LONRF3: variants seen among roughly 807,000 people sequenced by gnomAD.
LONRF3 encodes LON peptidase N-terminal domain and ring finger 3.
LONRF3 carries 19 observed loss-of-function variants against 51.7 expected under a neutral mutation model. The observed-to-expected ratio is 0.37, with a 90% CI of 0.26 to 0.54. The LOEUF (loss-of-function observed/expected upper bound fraction) is 0.54. Among genes scored for constraint, LONRF3 ranks in the 20% least tolerant of loss-of-function variants. LONRF3 has a pLI of 0.86. For missense variants in LONRF3, 521 were observed against 623.9 expected, an observed-to-expected ratio of 0.84 and a Z score of 1.76; for synonymous variants, 265 against 257.8, an observed-to-expected ratio of 1.03 and a Z score of -0.27.
At chrX:118,986,951 A>G in intron 3 of LONRF3, 2 of 1,153,869 alleles carry the variant, frequency 1.7e-6, no homozygotes, top group Non-Finnish European at 2.3e-6. Flanking sequence ...TTTCACCATC[A>G]GTCCCGGGGG....
intron 6 of LONRF3, among the ~76,000 whole-genome samples, chrX:119,008,019 T>G (rs1924849780): frequency 8.9e-6 from 1 of 111,802 alleles, no homozygotes; most frequent in Non-Finnish European, 1.9e-5. Flanking sequence ...ACCTCCTCAG[T>G]CAATGCTTAT....
At chrX:119,014,488 T>C in intron 10 of LONRF3, 132 bp downstream of exon 10, 1 of 630,931 alleles carries the variant, frequency 1.6e-6, no homozygotes, top group Non-Finnish European at 2.4e-6. Flanking sequence ...AATTTGGTGT[T>C]GTTTGGCTGC....
chrX:119,016,481 G>C (rs1173174264), intron 10 of LONRF3, among the ~76,000 whole-genome samples: 1 of 108,188 alleles, frequency 9.2e-6, no homozygotes, highest in African/African-American at 3.4e-5. Flanking sequence ...CGGAGTAGCT[G>C]GGACTACAGA....
chrX:119,003,427 C>A (rs1439464667), intron 5 of LONRF3, among the ~76,000 whole-genome samples: 1 of 112,095 alleles, frequency 8.9e-6, no homozygotes, highest in African/African-American at 3.2e-5. Flanking sequence ...GATCCAATTT[C>A]ATTTCCCCCT....
At chrX:118,995,732 A>G (rs1445053681) in intron 5 of LONRF3, among the ~76,000 whole-genome samples, 4 of 112,175 alleles carry the variant, frequency 3.6e-5, no homozygotes, top group Non-Finnish European at 7.5e-5. Context: ...TTAAACTAGA[A>G]AACCTAGAAG....
In LONRF3 at chrX:118,982,935, G is replaced by A; in HGVS notation, c.1051G>A (p.Ala351Thr). 3.3e-6 allele frequency: 4 copies of A among 1,209,511 alleles called. No homozygotes were observed. The South Asian group carries it at 7.0e-5, about 21-fold the overall frequency. ...DGKNKRARCE[A>T]QRDNLELPHC... is the part of the protein sequence containing the mutation. ...AAAGAACAAGAGAGCAAGATGTGAA[G>A]CCCAAAGAGTGAGTTGAAATGACAT... The change falls in exon 3 of 11, where the codon GCC becomes ACC. Residue 351 changes from alanine (A) to threonine (T), a missense_variant. By Grantham distance (58) the Ala-to-Thr change is moderately conservative (BLOSUM62 0). Coordinates refer to ENST00000371628, the MANE Select transcript of LONRF3 (RefSeq NM_001031855.3).
intron 2 of LONRF3, among the ~76,000 whole-genome samples, 170 bp from the exon 3 acceptor site, chrX:118,982,651 T>C (rs944401512): frequency 1.2e-4 from 14 of 112,224 alleles, no homozygotes; most frequent in African/African-American, 3.6e-4. Flanking sequence ...GTTTCAGTTT[T>C]GTCTTCTTTA....
intron 2 of LONRF3, among the ~76,000 whole-genome samples, chrX:118,981,259 T>C (rs1270961083): frequency 9.1e-6 from 1 of 109,386 alleles, no homozygotes; most frequent in Non-Finnish European, 1.9e-5. Flanking sequence ...CTGAGGCAGG[T>C]GGATAACTTG....
chrX:118,978,090 C>A (rs1311096658), intron 1 of LONRF3, among the ~76,000 whole-genome samples: 1 of 111,423 alleles, frequency 9.0e-6, no homozygotes, highest in Non-Finnish European at 1.9e-5. Context: ...ACCACTGACA[C>A]CACGGGGCCT....
intron 4 of LONRF3, among the ~76,000 whole-genome samples, chrX:118,990,098 T>C (rs760603505): frequency 1.2e-4 from 14 of 112,242 alleles, no homozygotes; most frequent in African/African-American, 3.6e-4. Context: ...GCAGCAGCTG[T>C]GGCTTGCTAT....
chrX:118,978,526 C>A (rs760246255), intron 2 of LONRF3, 63 bp downstream of exon 2: 47 of 746,735 alleles, frequency 6.3e-5, no homozygotes, highest in Non-Finnish European at 7.9e-5. Flanking sequence ...GCAGGAAGGG[C>A]TGCCTCCCTG....
intron 5 of LONRF3, among the ~76,000 whole-genome samples, chrX:119,001,684 T>C (rs1219234306): frequency 1.8e-5 from 2 of 112,525 alleles, no homozygotes; most frequent in Non-Finnish European, 3.7e-5. Context: ...GCAGCATCTG[T>C]GGCCGCATTT....
chrX:118,985,376 C>G (rs750851169), intron 3 of LONRF3, among the ~76,000 whole-genome samples: 416 of 111,570 alleles, frequency 3.7e-3, no homozygotes, highest in Non-Finnish European at 6.8e-3. Flanking sequence ...GAGGAGGGAC[C>G]TCTGAAAGCT....
rs748979369 is a variant in LONRF3, at chrX:118,974,799, G to T, written c.19G>T (p.Glu7Ter). The change falls in exon 1 of 11, where the codon GAA becomes TAA. Residue 7 changes from glutamate to a stop codon, truncating the protein, a stop_gained. Transcript: ENST00000371628. LOFTEE classifies it high-confidence loss of function. MESVRI[E>*]QMLSLPAEVS... ...TCTTCCCATGGAGTCAGTACGGATC[G>T]AACAGATGCTGAGCTTGCCCGCTGA... is the stretch of plus-strand genomic sequence containing the variant. The T allele has an allele frequency of 2.5e-6, 3 of 1,205,942 alleles. No homozygotes were observed. The highest frequency in any genetic ancestry group is 3.4e-6 in the Non-Finnish European group (3 of 893,681).
intron 3 of LONRF3, 24 bp downstream of exon 3, chrX:118,982,967 C>T: frequency 8.3e-7 from 1 of 1,199,562 alleles, no homozygotes; most frequent in Non-Finnish European, 1.1e-6. Flanking sequence ...ACATCAGGTC[C>T]AGCTGCCTAC....
chrX:118,976,112 C>G, intron 1 of LONRF3, among the ~76,000 whole-genome samples: 1 of 112,876 alleles, frequency 8.9e-6, no homozygotes, highest in Non-Finnish European at 1.9e-5. Flanking sequence ...AGGAGATGTC[C>G]GGTCGGCGCC....
chrX:119,012,988 A>C (rs1181689865), intron 8 of LONRF3, 51 bp from the exon 9 acceptor site: 1 of 1,202,931 alleles, frequency 8.3e-7, no homozygotes, highest in Non-Finnish European at 1.1e-6. Flanking sequence ...CAGCCCAGGG[A>C]AACAGAACTC....
chrX:119,011,873 C>G lies in LONRF3; in HGVS notation c.1711C>G (p.Pro571Ala). ...CTMAYPTVPC[P>A]LHIFEPCYRL... ...TATGGCCTATCCCACCGTTCCTTGT[C>G]CCCTGCACATCTTTGAGCCTTGTTA... is the stretch of plus-strand genomic sequence containing the variant. Residue 571 changes from proline to alanine, a missense_variant, in exon 8 of 11, where the codon CCC becomes GCC. Pro to Ala is a conservative substitution (Grantham distance 27). This residue lies in a region of LONRF3 where 145 missense variants were observed against 247.2 expected (regional missense o/e 0.59). Transcript: ENST00000371628. The G allele has an allele frequency of 8.3e-7, 1 of 1,211,561 alleles. No individual in the cohort carries two copies. The highest frequency in any genetic ancestry group is 1.1e-6 in the Non-Finnish European group (1 of 895,104).
intron 2 of LONRF3, among the ~76,000 whole-genome samples, chrX:118,978,675 C>T (rs1308231481): frequency 2.7e-5 from 3 of 111,563 alleles, no homozygotes; most frequent in East Asian, 5.7e-4. Context: ...AACTCATGAC[C>T]TTCAGAGCAG....
Sources: gnomAD v4.1 joint callset for allele counts (sites outside exome capture counted in the v4.1 genomes callset) on GRCh38, gnomAD v4.1.1 for gene constraint, gnomAD v4.1.1 regional missense constraint, MANE v1.5 for transcripts, NCBI Gene and HGNC (gene_info 2026-07-23, HGNC 2026-07-21) for gene names.